The following PARL variants were observed in gnomAD, a reference collection of about 807,000 sequenced individuals.
PARL encodes presenilin associated rhomboid like.
In PARL, 44 loss-of-function variants were observed where a neutral mutation model predicts 51.6. That is an observed-to-expected ratio of 0.85 (90% CI 0.67 to 1.10). The LOEUF (loss-of-function observed/expected upper bound fraction) is 1.10, where lower values mean the gene tolerates loss of function less well. Ranked by LOEUF, PARL falls within the 50% of genes least tolerant of loss-of-function variation. PARL has a pLI of 0.00. For synonymous variants in PARL, 172 were observed against 164.0 expected, an observed-to-expected ratio of 1.05 and a Z score of -0.37; for missense variants, 441 against 469.5, an observed-to-expected ratio of 0.94 and a Z score of 0.56.
In PARL at chr3:183,884,858, C is replaced by G; in HGVS notation, c.-12G>C. 1.3e-6 allele frequency: 2 copies of G among 1,597,064 alleles called. No homozygotes were observed. The highest frequency in any genetic ancestry group is 2.2e-5 in the South Asian group (2 of 90,772). On this transcript the variant is annotated 5_prime_UTR_variant, in exon 1 of 10. Coordinates refer to ENST00000317096, the MANE Select transcript of PARL (RefSeq NM_018622.7). The stretch of plus-strand genomic sequence containing the variant: ...CCTCGCCACGCCATCTTCCCAACCT[C>G]TGCCCCACCATGGCCCGACCTTACC...
At chr3:183,860,938 T>C (rs1731754279) in intron 4 of PARL, among the ~76,000 whole-genome samples, 1 of 150,432 alleles carries the variant, frequency 6.6e-6, no homozygotes, top group Non-Finnish European at 1.5e-5. Flanking sequence ...TCAGCCTCCC[T>C]AGTAGCTGGG....
chr3:183,863,707 G>A (rs1352772829), intron 3 of PARL, among the ~76,000 whole-genome samples: 6 of 152,024 alleles, frequency 3.9e-5, no homozygotes, highest in African/African-American at 1.2e-4. Context: ...CCAAGGTGCT[G>A]GGATTACAGA....
At chr3:183,863,578 A>G (rs1412486897) in intron 3 of PARL, among the ~76,000 whole-genome samples, 1 of 152,102 alleles carries the variant, frequency 6.6e-6, no homozygotes, top group African/African-American at 2.4e-5. Context: ...GAAACTACAG[A>G]TTAGTATGTA....
intron 4 of PARL, chr3:183,844,579 T>C (rs1192732499): frequency 6.8e-6 from 3 of 442,946 alleles, no homozygotes; most frequent in Non-Finnish European, 8.2e-6. Context: ...CCTAGATCCA[T>C]ATTTTACTTC....
At chr3:183,882,271 A>ATATATATATATATATATT (rs1560442516) in intron 1 of PARL, among the ~76,000 whole-genome samples, 2 of 101,768 alleles carry the variant, frequency 2.0e-5, no homozygotes, top group Non-Finnish European at 2.0e-5. Context: ...ATATATATTT[A>ATATATATATATATATATT]TATATATATA....
rs760280352 is a variant in PARL at position 183,868,014 on chromosome 3, T to C, written c.172A>G (p.Arg58Gly). Residue 58 changes from arginine (R) to glycine (G), a missense_variant, in exon 2 of 10, where the codon AGG becomes GGG. Transcript: ENST00000317096. ...TCTGATCTTCGAGGTTCAACCTTCC[T>C]GGGTGCTTTTCTGAATCCGCATTTT... ...QQKCGFRKAPRKVEPRRSDPG... is the reference protein window; with the variant it reads ...QQKCGFRKAPGKVEPRRSDPG... 2.0e-5 allele frequency: 32 copies of C among 1,614,110 alleles called. No individual in the cohort carries two copies. The African/African-American group carries it at 2.3e-4, about 11-fold the overall frequency.
chr3:183,858,121 T>C (rs1184019764), intron 4 of PARL, among the ~76,000 whole-genome samples: 4 of 152,202 alleles, frequency 2.6e-5, no homozygotes, highest in African/African-American at 9.6e-5. Flanking sequence ...AGGATTAACT[T>C]TGCTATTCTT....
intron 3 of PARL, among the ~76,000 whole-genome samples, chr3:183,863,229 T>C (rs1220353343): frequency 2.0e-5 from 3 of 152,174 alleles, no homozygotes; most frequent in African/African-American, 7.2e-5. Context: ...ATTGCACTTT[T>C]TTAAAGATAT....
At chr3:183,873,496 G>A (rs751325059) in intron 1 of PARL, among the ~76,000 whole-genome samples, 31 of 151,864 alleles carry the variant, frequency 2.0e-4, no homozygotes, top group Non-Finnish European at 2.9e-4. Flanking sequence ...GCGAGATCAC[G>A]CCATTGCACT....
chr3:183,872,978 C>T (rs1560428245), intron 1 of PARL, among the ~76,000 whole-genome samples: 1 of 152,166 alleles, frequency 6.6e-6, no homozygotes, highest in Non-Finnish European at 1.5e-5. Flanking sequence ...ATAAATAACT[C>T]CCCTTCTTAT....
intron 4 of PARL, among the ~76,000 whole-genome samples, chr3:183,848,228 G>A (rs772483715): frequency 3.9e-5 from 6 of 152,140 alleles, no homozygotes; most frequent in East Asian, 3.9e-4. Context: ...GCTTTGCAGC[G>A]TTTTTTGTTT....
At chr3:183,847,589 A>AG (rs1350262103) in intron 4 of PARL, among the ~76,000 whole-genome samples, 1 of 152,086 alleles carries the variant, frequency 6.6e-6, no homozygotes, top group Non-Finnish European at 1.5e-5. Context: ...ATAAATAAAA[A>AG]GAAAAAAAAG....
chr3:183,879,853 AT>A, intron 1 of PARL: 1 of 153,754 alleles, frequency 6.5e-6, no homozygotes, highest in Non-Finnish European at 1.4e-5. Flanking sequence ...AGTAGCTGGG[AT>A]TACAGATGCC....
chr3:183,827,494 A>G (rs7349550), downstream of PARL, among the ~76,000 whole-genome samples: 31,424 of 152,016 alleles, frequency 0.21, 3,497 homozygotes, highest in East Asian at 0.44. Flanking sequence ...AATGACAGAC[A>G]TGTTTTTAGC....
At chr3:183,835,792 G>C (rs1728504236) in intron 7 of PARL, among the ~76,000 whole-genome samples, 1 of 152,006 alleles carries the variant, frequency 6.6e-6, no homozygotes, top group South Asian at 2.1e-4. Flanking sequence ...CCAAGATTGA[G>C]CCACTGTACT....
Position 183,884,744 on chromosome 3 carries a change from G to A in PARL, c.103C>T (p.Pro35Ser), listed in dbSNP as rs747526735. The change falls in exon 1 of 10, where the codon CCG (proline) becomes TCG (serine). Residue 35 changes from proline to serine, a missense_variant. Physicochemically the swap from Pro to Ser is moderately conservative, Grantham distance 74. Coordinates refer to ENST00000317096, the MANE Select transcript of PARL (RefSeq NM_018622.7). ...SCEELTAVLT[P>S]PQLLGRRFNF... Reference sequence around the variant, plus strand: ...TACCTGCGTCCGAGGAGCTGCGGCGGGGTTAGGACCGCAGTGAGCTCCTCG... The same window carrying A: ...TACCTGCGTCCGAGGAGCTGCGGCGAGGTTAGGACCGCAGTGAGCTCCTCG... 2 of 1,582,574 alleles carry A rather than the reference G, an allele frequency of 1.3e-6. No homozygotes were observed. The highest frequency in any genetic ancestry group is 2.3e-5 in the South Asian group (2 of 88,206).
chr3:183,884,869 T>C lies in PARL; in HGVS notation c.-23A>G, dbSNP rs767967020. The stretch of plus-strand genomic sequence containing the variant: ...CATCTTCCCAACCTCTGCCCCACCA[T>C]GGCCCGACCTTACCAACCCCAGCTG... On this transcript the variant is annotated 5_prime_UTR_variant, in exon 1 of 10. An upstream start codon of the reference 5' UTR is lost. Coordinates refer to ENST00000317096, the MANE Select transcript of PARL (RefSeq NM_018622.7). 15 of 1,596,266 alleles carry C rather than the reference T, an allele frequency of 9.4e-6. No homozygotes were observed. Among genetic ancestry groups the C allele is most frequent in the South Asian group, 3.3e-5 (3 of 90,660 alleles).
intron 6 of PARL, 66 bp from the exon 7 acceptor site, chr3:183,840,706 TTTC>T: frequency 3.6e-6 from 3 of 834,584 alleles, no homozygotes; most frequent in Admixed American, 2.5e-5. Flanking sequence ...TTTTTTTTCT[TTTC>T]TTTTTTTTTT....
chr3:183,881,636 T>A (rs1419083005), intron 1 of PARL, among the ~76,000 whole-genome samples: 2 of 152,208 alleles, frequency 1.3e-5, no homozygotes, highest in African/African-American at 4.8e-5. Context: ...TGTGTACCTG[T>A]AGTCCTTGCT....
Sources: gnomAD v4.1 joint callset for allele counts (sites outside exome capture counted in the v4.1 genomes callset) on GRCh38, gnomAD v4.1.1 for gene constraint, MANE v1.5 for transcripts, NCBI Gene and HGNC (gene_info 2026-07-23, HGNC 2026-07-21) for gene names.